Variants in TMEM38B observed in about 807,000 individuals in gnomAD.
TMEM38B encodes the protein trimeric intracellular cation channel type B.
A neutral mutation model predicts 28.7 loss-of-function variants in TMEM38B; 24 were observed. The observed-to-expected ratio is 0.84, with a 90% CI of 0.61 to 1.18. The LOEUF is 1.18. Among genes scored for constraint, TMEM38B ranks in the 50% most tolerant of loss-of-function variants. TMEM38B has a pLI of 0.00. For missense variants in TMEM38B, 380 were observed against 350.9 expected, an observed-to-expected ratio of 1.08 and a Z score of -0.66; for synonymous variants, 131 against 127.7, an observed-to-expected ratio of 1.03 and a Z score of -0.17.
At chr9:105,718,908 CTG>C (rs1368648827) in intron 2 of TMEM38B, among the ~76,000 whole-genome samples, 5 of 152,122 alleles carry the variant, frequency 3.3e-5, no homozygotes, top group African/African-American at 1.2e-4. Flanking sequence ...GTCATTCTGT[CTG>C]TATTTTTCAA....
intron 1 of TMEM38B, among the ~76,000 whole-genome samples, chr9:105,699,813 A>C (rs1335113064): frequency 1.3e-5 from 2 of 152,074 alleles, no homozygotes; most frequent in Non-Finnish European, 2.9e-5. Context: ...TATAGTTTTC[A>C]GTTTGGGCTG....
intron 4 of TMEM38B, among the ~76,000 whole-genome samples, chr9:105,730,112 A>G (rs767160752): frequency 3.3e-5 from 5 of 152,156 alleles, no homozygotes; most frequent in Non-Finnish European, 2.9e-5. Context: ...TTCCAATACT[A>G]TGTTGAATAG....
intron 1 of TMEM38B, among the ~76,000 whole-genome samples, chr9:105,703,661 C>A (rs911107957): frequency 2.0e-5 from 3 of 152,038 alleles, no homozygotes; most frequent in African/African-American, 7.3e-5. Flanking sequence ...TACAGTCCCA[C>A]CAACAGTGTA....
intron 4 of TMEM38B, among the ~76,000 whole-genome samples, chr9:105,732,920 A>G (rs1276296782): frequency 6.6e-6 from 1 of 152,116 alleles, no homozygotes; most frequent in African/African-American, 2.4e-5. Context: ...TTTTCACAAT[A>G]TTGATTCTTC....
At position 105,694,597 on chromosome 9, in the gene TMEM38B, T is replaced by G; in HGVS notation, c.-64T>G. ...CCGCGGCTGTGCCCTCTCCTACTCC[T>G]CACCGCGCGAGCGCGGGGAACCAGT... On this transcript the variant is annotated 5_prime_UTR_variant, in exon 1 of 6. Coordinates refer to ENST00000374692, the MANE Select transcript of TMEM38B (RefSeq NM_018112.3). The G allele has an allele frequency of 7.0e-7, 1 of 1,423,900 alleles. No individual in the cohort carries two copies. The highest frequency in any genetic ancestry group is 9.9e-7 in the Non-Finnish European group (1 of 1,011,358). 88.2% of individuals were successfully genotyped at this position (1,423,900 alleles called of 1,614,324 possible). A position where few individuals can be genotyped will look rare whatever the true frequency, so the allele number is the denominator to read the frequency against.
intron 1 of TMEM38B, among the ~76,000 whole-genome samples, chr9:105,704,268 G>T (rs554586769): frequency 6.6e-6 from 1 of 151,970 alleles, no homozygotes; most frequent in Non-Finnish European, 1.5e-5. Flanking sequence ...GTGGTGGCGC[G>T]TGCCTATAAT....
At chr9:105,773,357 A>G (rs1826621323) in intron 5 of TMEM38B, among the ~76,000 whole-genome samples, 1 of 152,170 alleles carries the variant, frequency 6.6e-6, no homozygotes, top group Non-Finnish European at 1.5e-5. Context: ...GATGATAGTC[A>G]GTGTATTTAG....
intron 4 of TMEM38B, among the ~76,000 whole-genome samples, chr9:105,738,715 CTTTT>C (rs71489351): frequency 1.4e-4 from 15 of 109,664 alleles, no homozygotes; most frequent in Admixed American, 1.1e-3. Context: ...TAATTTTTTC[CTTTT>C]TTTTTTTTTT....
At chr9:105,758,897 A>G (rs1837931203) in intron 5 of TMEM38B, 7 of 1,149,704 alleles carry the variant, frequency 6.1e-6, no homozygotes, top group Non-Finnish European at 9.2e-6. Flanking sequence ...AAATTTGGAG[A>G]TATGTTATTC....
chr9:105,703,654 A>C (rs557194328), intron 1 of TMEM38B, among the ~76,000 whole-genome samples: 1,637 of 152,184 alleles, frequency 0.011, 29 homozygotes, highest in African/African-American at 0.038. Context: ...ACTAGTTTAC[A>C]GTCCCACCAA....
intron 1 of TMEM38B, among the ~76,000 whole-genome samples, chr9:105,703,205 C>T (rs917005245): frequency 6.6e-6 from 1 of 152,130 alleles, no homozygotes; most frequent in Admixed American, 6.5e-5. Context: ...GAGTTGGAAG[C>T]CAGGTGTGGT....
chr9:105,755,409 G>T (rs2133630360), intron 5 of TMEM38B, among the ~76,000 whole-genome samples: 2 of 152,204 alleles, frequency 1.3e-5, no homozygotes, highest in Admixed American at 1.3e-4. Flanking sequence ...ATTTACCTGT[G>T]TAACAAACCT....
rs563830247 is a variant in TMEM38B, at chr9:105,710,544, C to T, written c.269+4791C>T. ...TGGGCAAACTGTATTTCAATCTGCC[C>T]TCCACAAATCCACTTTCTGTCCAAA... On this transcript the variant is annotated intron_variant, in intron 2 of 5. Transcript: ENST00000374692. 1.6e-3 allele frequency: 1,646 copies of T among 1,027,038 alleles called. 5 individuals carry two copies. Among genetic ancestry groups the T allele is most frequent in the Non-Finnish European group, 2.3e-3 (1,497 of 649,326 alleles). 63.6% of individuals were successfully genotyped at this position (1,027,038 alleles called of 1,614,324 possible).
rs1196723923 is a variant in TMEM38B at position 105,774,669 on chromosome 9, A to T, written c.*589A>T. On this transcript the variant is annotated 3_prime_UTR_variant, in exon 6 of 6. Transcript: ENST00000374692. ...CTACATCAAATGGAAAATATCTGAA[A>T]TTTTTTTTCCATAGCAGGTATTTTC... 6.6e-6 allele frequency: 1 copy of T among 151,716 alleles called. No homozygotes were observed. Among genetic ancestry groups the T allele is most frequent in the Non-Finnish European group, 1.5e-5 (1 of 67,858 alleles). 9.4% of individuals were successfully genotyped at this position (151,716 alleles called of 1,614,324 possible).
chr9:105,752,328 A>G (rs1335155751), intron 5 of TMEM38B, among the ~76,000 whole-genome samples: 2 of 152,166 alleles, frequency 1.3e-5, no homozygotes, highest in Non-Finnish European at 2.9e-5. Flanking sequence ...AAGCAGCCAG[A>G]CTGCTTTTTT....
In TMEM38B at chr9:105,776,576, C is replaced by T. The variant is rs1262777295; in HGVS notation, c.*2496C>T. 1 of 152,094 alleles carries T rather than the reference C, an allele frequency of 6.6e-6. No homozygotes were observed. The highest frequency in any genetic ancestry group is 1.5e-5 in the Non-Finnish European group (1 of 68,020). The allele number at this position is 152,094 out of a possible 1,614,324, so 9.4% of individuals were successfully genotyped here. On this transcript the variant is annotated 3_prime_UTR_variant, in exon 6 of 6. Coordinates refer to ENST00000374692, the MANE Select transcript of TMEM38B (RefSeq NM_018112.3). ...TAAATGGAATAATGTGTTCAGAATG[C>T]TCTTTCTTTCCCCCAATAAAGCCCT...
chr9:105,763,252 C>G (rs1390177974), intron 5 of TMEM38B, among the ~76,000 whole-genome samples: 1 of 152,120 alleles, frequency 6.6e-6, no homozygotes, highest in Non-Finnish European at 1.5e-5. Context: ...TGCAGAAGCT[C>G]TTTAGTTTAA....
chr9:105,702,059 T>A (rs925225247), intron 1 of TMEM38B, among the ~76,000 whole-genome samples: 3 of 152,068 alleles, frequency 2.0e-5, no homozygotes, highest in African/African-American at 7.2e-5. Flanking sequence ...TGAAAAAATT[T>A]AAAAAAATTT....
At chr9:105,756,482 G>C (rs1008426684) in intron 5 of TMEM38B, among the ~76,000 whole-genome samples, 1 of 152,104 alleles carries the variant, frequency 6.6e-6, no homozygotes, top group Non-Finnish European at 1.5e-5. Context: ...GGTGGGAGCT[G>C]TATTATTTTT....
Sources: allele counts gnomAD v4.1 joint callset (sites outside exome capture counted in the v4.1 genomes callset), GRCh38; gene constraint gnomAD v4.1.1; transcripts MANE v1.5; gene names NCBI Gene and HGNC (gene_info 2026-07-23, HGNC 2026-07-21).